The following CPA5 variants were observed in gnomAD, a reference collection of about 807,000 sequenced individuals.
CPA5 encodes testicular tissue protein Li 32.
CPA5 carries 38 observed loss-of-function variants against 52.2 expected under a neutral mutation model. The ratio of observed to expected loss-of-function variants is 0.73; its 90% CI spans 0.56 to 0.95. CPA5 has a LOEUF of 0.95. Among genes scored for constraint, CPA5 ranks in the 40% least tolerant of loss-of-function variants. CPA5 has a pLI of 0.00. For missense variants in CPA5, 519 were observed against 566.7 expected (o/e 0.92, Z 0.86); for synonymous variants, 198 against 213.7 (o/e 0.93, Z 0.64).
In CPA5 at chr7:130,367,474, G is replaced by A; in HGVS notation, c.941G>A (p.Gly314Asp). 6.2e-7 allele frequency: 1 copy of A among 1,614,096 alleles called. No homozygotes were observed. Among genetic ancestry groups the A allele is most frequent in the African/African-American group, 1.3e-5 (1 of 74,998 alleles). The stretch of plus-strand genomic sequence containing the variant: ...ATAGTGAACTTCATCACAGCCCATG[G>A]CAACTTCAAGGCTCTGATCTCCATC... ...AAIVNFITAH[G>D]NFKALISIHS... Residue 314 changes from glycine (G) to aspartate (D), a missense_variant, in exon 11 of 13, where the codon GGC becomes GAC. By Grantham distance (94) the Gly-to-Asp change is moderately conservative. Coordinates refer to ENST00000474905, the MANE Select transcript of CPA5 (RefSeq NM_080385.5).
chr7:130,355,971 C>T (rs1192690900), intron 5 of CPA5, among the ~76,000 whole-genome samples: 1 of 152,132 alleles, frequency 6.6e-6, no homozygotes, highest in Non-Finnish European at 1.5e-5. Flanking sequence ...CTGAGGGGGT[C>T]CATTCTGAAA....
chr7:130,351,059 G>T (rs1554403834), intron 5 of CPA5, among the ~76,000 whole-genome samples: 1 of 152,238 alleles, frequency 6.6e-6, no homozygotes, highest in African/African-American at 2.4e-5. Context: ...GACACCGTAT[G>T]TCAGGGGATC....
At chr7:130,357,993 T>TGTGTGTGTGTGTGTGTG (rs1584812617) in intron 5 of CPA5, among the ~76,000 whole-genome samples, 1 of 147,284 alleles carries the variant, frequency 6.8e-6, no homozygotes, top group African/African-American at 2.6e-5. Flanking sequence ...TGTGTGTGTG[T>TGTGTGTGTGTGTGTGTG]TTAGAAATAG....
intron 8 of CPA5, 107 bp from the exon 9 acceptor site, chr7:130,362,777 G>A (rs1177056526): frequency 2.8e-6 from 2 of 708,664 alleles, no homozygotes; most frequent in Non-Finnish European, 4.9e-6. Flanking sequence ...ATATACCTCA[G>A]GGGTTTCATG....
At chr7:130,364,851 G>C (rs377513280) in intron 10 of CPA5, among the ~76,000 whole-genome samples, 3 of 152,310 alleles carry the variant, frequency 2.0e-5, no homozygotes, top group African/African-American at 4.8e-5. Context: ...AGAAAGCTCA[G>C]AGACAGGTCC....
At chr7:130,368,379 G>T (rs1796218252) in intron 12 of CPA5, 31 bp from the exon 13 acceptor site, 2 of 1,608,292 alleles carry the variant, frequency 1.2e-6, no homozygotes, top group African/African-American at 1.3e-5. Context: ...TCTTCCTTTT[G>T]TGGGGCACAT....
intron 5 of CPA5, among the ~76,000 whole-genome samples, chr7:130,351,409 A>G (rs1795133091): frequency 6.6e-6 from 1 of 152,046 alleles, no homozygotes; most frequent in Non-Finnish European, 1.5e-5. Flanking sequence ...TCTGCACATC[A>G]GGGACGGCCC....
At chr7:130,370,883 C>T (rs1365492510), downstream of CPA5, among the ~76,000 whole-genome samples, 1 of 152,234 alleles carries the variant, frequency 6.6e-6, no homozygotes, top group East Asian at 1.9e-4. Flanking sequence ...TGTTCCCCTG[C>T]CTCCCGGGAA....
At chr7:130,356,515 C>G (rs1795485382) in intron 5 of CPA5, among the ~76,000 whole-genome samples, 1 of 152,224 alleles carries the variant, frequency 6.6e-6, no homozygotes, top group Non-Finnish European at 1.5e-5. Context: ...GGAGCAAACG[C>G]TGGTGCATTT....
chr7:130,361,088 G>A, intron 6 of CPA5, 55 bp from the exon 7 acceptor site: 2 of 1,097,474 alleles, frequency 1.8e-6, no homozygotes, highest in South Asian at 2.5e-5. Flanking sequence ...AGAGGCCCCA[G>A]TGTTCATCCC....
chr7:130,365,637 T>C (rs1796037280), intron 10 of CPA5, among the ~76,000 whole-genome samples: 1 of 152,260 alleles, frequency 6.6e-6, no homozygotes. Flanking sequence ...ACGTCAGAGA[T>C]GCAGGCAGCC....
chr7:130,358,535 A>G (rs1554405765), intron 5 of CPA5, among the ~76,000 whole-genome samples: 1 of 152,222 alleles, frequency 6.6e-6, no homozygotes, highest in African/African-American at 2.4e-5. Context: ...AGCTTGGTCA[A>G]CTAAGGCTCT....
At chr7:130,369,681 G>T (rs1190117146), downstream of CPA5, among the ~76,000 whole-genome samples, 1 of 152,030 alleles carries the variant, frequency 6.6e-6, no homozygotes, top group Non-Finnish European at 1.5e-5. Context: ...ATGTGCGTGT[G>T]TGTGTCCGTG....
chr7:130,354,198 A>C (rs1455493315), intron 5 of CPA5, among the ~76,000 whole-genome samples: 1 of 151,926 alleles, frequency 6.6e-6, no homozygotes, highest in Non-Finnish European at 1.5e-5. Context: ...AAAGTGCTGA[A>C]ATTACAGGTG....
chr7:130,369,271 C>A (rs935409878), downstream of CPA5, among the ~76,000 whole-genome samples: 5 of 152,026 alleles, frequency 3.3e-5, no homozygotes, highest in South Asian at 2.1e-4. Flanking sequence ...AGAAGAGCTT[C>A]TCATCATCAT....
chr7:130,373,864 A>C, the CPA5 span, among the ~76,000 whole-genome samples: 1 of 152,246 alleles, frequency 6.6e-6, no homozygotes, highest in African/African-American at 2.4e-5. Flanking sequence ...GCCAGAGGCT[A>C]GGACGGGCAA....
Position 130,363,423 on chromosome 7 carries a change from G to T in CPA5, c.752G>T (p.Arg251Leu). The T allele has an allele frequency of 1.9e-6, 3 of 1,567,712 alleles. No individual in the cohort carries two copies. The highest frequency in any genetic ancestry group is 2.6e-6 in the Non-Finnish European group (3 of 1,155,078). Residue 251 changes from arginine (R) to leucine (L), a missense_variant, in exon 10 of 13, where the codon CGC (arginine) becomes CTC (leucine). Physicochemically the swap from Arg to Leu is moderately radical, Grantham distance 102. Transcript: ENST00000474905. The part of the protein sequence containing the change: ...DGFAFTHSMN[R>L]LWRKNKSIRP... ...ACCTGTCCTGGGCTTTCCCAGAACC[G>T]CTTATGGCGGAAGAACAAGTCCATC... is the stretch of plus-strand genomic sequence containing the variant.
chr7:130,364,494 A>AT (rs1324551719), intron 10 of CPA5, among the ~76,000 whole-genome samples: 2 of 152,096 alleles, frequency 1.3e-5, no homozygotes, highest in Non-Finnish European at 2.9e-5. Context: ...CGCCCAGCCA[A>AT]TTTTTGTATT....
At chr7:130,368,924 A>G (rs1230334627), downstream of CPA5, among the ~76,000 whole-genome samples, 1 of 152,206 alleles carries the variant, frequency 6.6e-6, no homozygotes, top group Non-Finnish European at 1.5e-5. Flanking sequence ...CCCGGAACAC[A>G]GAAGGCACAC....
Sources: gnomAD v4.1 joint callset for allele counts (sites outside exome capture counted in the v4.1 genomes callset) on GRCh38, gnomAD v4.1.1 for gene constraint, MANE v1.5 for transcripts, NCBI Gene and HGNC (gene_info 2026-07-23, HGNC 2026-07-21) for gene names.